Variants in LMLN observed in about 807,000 individuals in gnomAD.
LMLN encodes leishmanolysin like peptidase, also known as leishmanolysin-like peptidase.
Under a neutral mutation model 92.3 loss-of-function variants are expected in LMLN, and 70 were observed. The ratio of observed to expected loss-of-function variants is 0.76; its 90% CI spans 0.63 to 0.92. The LOEUF is 0.92. LMLN is among the 40% of genes least tolerant of loss of function. The pLI is 0.00. For synonymous variants in LMLN, 308 were observed against 296.2 expected (o/e 1.04, Z -0.41); for missense variants, 691 against 814.6 (o/e 0.85, Z 1.85).
At chr3:198,026,354 T>G (rs1722931896) in intron 14 of LMLN, among the ~76,000 whole-genome samples, 1 of 152,180 alleles carries the variant, frequency 6.6e-6, no homozygotes, top group Admixed American at 6.5e-5. Context: ...GGTCTTACTC[T>G]GTCACCCAGG....
At chr3:197,994,734 A>G (rs1181183898) in intron 9 of LMLN, 1 of 152,222 alleles carries the variant, frequency 6.6e-6, no homozygotes, top group East Asian at 1.9e-4. Context: ...GAAACAAAAG[A>G]TAAGAAGTGT....
At chr3:197,961,265 C>A (rs1244445162) in intron 1 of LMLN, among the ~76,000 whole-genome samples, 1 of 152,114 alleles carries the variant, frequency 6.6e-6, no homozygotes, top group Non-Finnish European at 1.5e-5. Context: ...TACTTTGATT[C>A]CTTCACAGTA....
At chr3:197,977,370 C>T (rs1721414196) in intron 5 of LMLN, among the ~76,000 whole-genome samples, 1 of 152,172 alleles carries the variant, frequency 6.6e-6, no homozygotes, top group South Asian at 2.1e-4. Flanking sequence ...TGGAAGTACA[C>T]ACGTTAAATC....
chr3:198,014,318 T>A (rs551151391), intron 11 of LMLN, among the ~76,000 whole-genome samples: 201 of 117,740 alleles, frequency 1.7e-3, no homozygotes, highest in Non-Finnish European at 1.9e-3. Context: ...CTCTCCACCC[T>A]TCAGAGCCCC....
At chr3:197,980,232 C>A in intron 5 of LMLN, 94 bp from the exon 6 acceptor site, 1 of 996,958 alleles carries the variant, frequency 1.0e-6, no homozygotes, top group Non-Finnish European at 1.5e-6. Context: ...TTAAATTGTA[C>A]TGTGTTTATA....
At position 198,038,319 on chromosome 3, in the gene LMLN, A is replaced by G; in HGVS notation, c.1868-248A>G. 4 of 418,942 alleles carry G rather than the reference A, an allele frequency of 9.5e-6. 1 individual carries two copies. The South Asian group carries it at 1.2e-4, about 13-fold the overall frequency. The allele number at this position is 418,942 out of a possible 1,614,324, so 26.0% of individuals were successfully genotyped here. ...CTTTGCTGGGGTACTACCCCAAGGC[A>G]ATTTTTTTTGGATACCATTTTTTAA... On this transcript the variant is annotated intron_variant, in intron 15 of 15. Transcript: ENST00000330198.
Position 198,025,982 on chromosome 3 carries a change from G to C in LMLN, c.1656+1194G>C, listed in dbSNP as rs1453333229. Among the ~76,000 whole-genome samples the C allele has an allele frequency of 1.3e-5, 2 of 151,902 alleles. No individual in the cohort carries two copies. The highest frequency in any genetic ancestry group is 2.1e-4 in the South Asian group (1 of 4,806). The stretch of plus-strand genomic sequence containing the variant: ...TCTTTTCTGTTTTTTTTTGAGACAG[G>C]GTTTTGCTCTGTCACCCAGGCTAGA... On this transcript the variant is annotated intron_variant, in intron 14 of 15. Coordinates refer to ENST00000330198, the Ensembl canonical transcript of LMLN. This position sits in a 1 kb window ranked among gnomAD's most constrained non-coding sequence, Gnocchi z 4.3.
chr3:198,036,114 C>A, intron 15 of LMLN, 71 bp downstream of exon 16: 2 of 1,365,568 alleles, frequency 1.5e-6, no homozygotes, highest in Non-Finnish European at 2.1e-6. Flanking sequence ...AAAATGTTGG[C>A]ATTTCCCTTC....
chr3:198,024,694 C>T (rs1391144823), exon 14 of LMLN: 2 of 1,610,066 alleles, frequency 1.2e-6, no homozygotes, highest in Non-Finnish European at 8.5e-7. Flanking sequence ...AAGTATGGAC[C>T]TCATTCCGTT....
intron 8 of LMLN, 41 bp from the exon 9 acceptor site, chr3:197,990,518 G>T: frequency 1.2e-6 from 1 of 846,550 alleles, no homozygotes; most frequent in South Asian, 1.6e-5. Flanking sequence ...TTAAAATGGT[G>T]AATTTTCAGT....
intron 11 of LMLN, among the ~76,000 whole-genome samples, chr3:198,014,164 G>C (rs1230374275): frequency 2.2e-5 from 3 of 133,814 alleles, no homozygotes; most frequent in Middle Eastern, 4.8e-3. Context: ...TGACTTCTCT[G>C]TACCCTTCAG....
chr3:197,975,716 G>A (rs1347252813), intron 3 of LMLN, among the ~76,000 whole-genome samples: 2 of 152,062 alleles, frequency 1.3e-5, no homozygotes, highest in Non-Finnish European at 2.9e-5. Context: ...GTGTAGTATC[G>A]AAGGAAATTA....
rs1206156193 is a variant in LMLN, at chr3:198,042,857, A to C, written c.*4190A>C. Reference sequence around the variant, plus strand: ...AGCTGACAGCTTTAAAGAAACTGGCAAACAGGTAGGTTGTCCTCATATAGA... The same window carrying C: ...AGCTGACAGCTTTAAAGAAACTGGCCAACAGGTAGGTTGTCCTCATATAGA... On this transcript the variant is annotated 3_prime_UTR_variant, in exon 16 of 16. Transcript: ENST00000330198. This position sits in a 1 kb window ranked among gnomAD's most constrained non-coding sequence, Gnocchi z 4.2. The C allele has an allele frequency of 1.3e-5, 2 of 152,232 alleles. No individual in the cohort carries two copies. The highest frequency in any genetic ancestry group is 6.5e-5 in the Admixed American group (1 of 15,288). 9.4% of individuals were successfully genotyped at this position (152,232 alleles called of 1,614,324 possible).
chr3:198,013,728 C>T (rs1288644310), intron 11 of LMLN, among the ~76,000 whole-genome samples: 5 of 125,590 alleles, frequency 4.0e-5, no homozygotes, highest in Admixed American at 2.2e-4. Context: ...CTCCACCCTT[C>T]AGAGTCCCCT....
At chr3:197,996,796 C>A (rs1350082746) in intron 10 of LMLN, among the ~76,000 whole-genome samples, 1 of 152,116 alleles carries the variant, frequency 6.6e-6, no homozygotes, top group Non-Finnish European at 1.5e-5. Flanking sequence ...AGAGACAGGG[C>A]CTCACTGTGT....
intron 7 of LMLN, 31 bp downstream of exon 7, chr3:197,984,079 A>C: frequency 7.2e-7 from 1 of 1,386,638 alleles, no homozygotes; most frequent in Non-Finnish European, 1.0e-6. Flanking sequence ...TCTTTCCTTC[A>C]TGCCTTGATT....
intron 6 of LMLN, 90 bp downstream of exon 6, chr3:197,980,594 T>A: frequency 1.5e-6 from 2 of 1,322,342 alleles, no homozygotes; most frequent in South Asian, 2.6e-5. Flanking sequence ...TACAGGAATC[T>A]TGCATTTGCC....
At chr3:197,987,730 A>T (rs1354172103) in intron 8 of LMLN, among the ~76,000 whole-genome samples, 10 of 152,220 alleles carry the variant, frequency 6.6e-5, no homozygotes. Flanking sequence ...TTACACTATA[A>T]ATTTTAATAG....
chr3:197,996,353 C>A, intron 10 of LMLN, 71 bp downstream of exon 10: 2 of 1,026,942 alleles, frequency 1.9e-6, no homozygotes, highest in Non-Finnish European at 2.9e-6. Flanking sequence ...AAAACTTATT[C>A]AAGCAGGTTA....
Sources: gnomAD v4.1 joint callset for allele counts (sites outside exome capture counted in the v4.1 genomes callset) on GRCh38, gnomAD v4.1.1 for gene constraint, Gnocchi (gnomAD v3.1) non-coding constraint, MANE v1.5 for transcripts, NCBI Gene and HGNC (gene_info 2026-07-23, HGNC 2026-07-21) for gene names.